MPP4: variants seen among roughly 807,000 people sequenced by gnomAD.
MPP4 encodes the protein MAGUK p55 scaffold protein 4.
A neutral mutation model predicts 98.3 loss-of-function variants in MPP4; 91 were observed. That is an observed-to-expected ratio of 0.93 (90% CI 0.78 to 1.10). The LOEUF (loss-of-function observed/expected upper bound fraction) is 1.10. MPP4 is among the 50% of genes least tolerant of loss of function. MPP4 has a pLI of 0.00. For synonymous variants in MPP4, 261 were observed against 271.8 expected, an observed-to-expected ratio of 0.96 and a Z score of 0.39; for missense variants, 744 against 792.9, an observed-to-expected ratio of 0.94 and a Z score of 0.74.
In MPP4 at chr2:201,693,028, G is replaced by T. The variant is rs970959372; in HGVS notation, c.81C>A (p.Gly27=). 1 of 1,611,536 alleles carries T rather than the reference G, an allele frequency of 6.2e-7. No homozygotes were observed. Among genetic ancestry groups the T allele is most frequent in the Non-Finnish European group, 8.5e-7 (1 of 1,178,934 alleles). ...KLSTATNPQN[G]LSQILRLVLQ... The stretch of plus-strand genomic sequence containing the variant: ...GCACAAGCCTCAGGATCTGGGAGAG[G>T]CCTAGGAAAGGAAGAGAGCAGAGAT... The change falls in exon 3 of 22, where the codon GGC becomes GGA. Residue 27 remains glycine (G), a splice_region_variant and synonymous_variant. Transcript: ENST00000409474.
At chr2:201,680,363 C>T (rs1688631127) in intron 10 of MPP4, 1 of 151,104 alleles carries the variant, frequency 6.6e-6, no homozygotes. Flanking sequence ...GCGAGGGCCA[C>T]TCCGTGACTC....
At chr2:201,676,789 A>T (rs1688519205) in intron 10 of MPP4, among the ~76,000 whole-genome samples, 1 of 152,064 alleles carries the variant, frequency 6.6e-6, no homozygotes, top group Admixed American at 6.6e-5. Context: ...AGTCCCAGCT[A>T]CTCTGGAGGC....
intron 14 of MPP4, chr2:201,661,514 T>C (rs1394457661): frequency 2.2e-6 from 1 of 456,414 alleles, no homozygotes; most frequent in African/African-American, 2.0e-5. Flanking sequence ...CTTTTCCAGC[T>C]GAGAGGAGTC....
intron 18 of MPP4, 38 bp from the exon 19 acceptor site, chr2:201,650,203 A>C (rs1478365190): frequency 2.0e-6 from 3 of 1,534,002 alleles, no homozygotes. Flanking sequence ...CAGTGTCTTC[A>C]GAATTCTTTG....
At chr2:201,648,961 G>A (rs1312144863) in intron 20 of MPP4, among the ~76,000 whole-genome samples, 3 of 152,134 alleles carry the variant, frequency 2.0e-5, no homozygotes, top group Admixed American at 6.5e-5. Flanking sequence ...CTACTCGGGA[G>A]GCTGAGGCAC....
At chr2:201,693,659 A>G (rs1022383858) in intron 2 of MPP4, among the ~76,000 whole-genome samples, 1 of 152,174 alleles carries the variant, frequency 6.6e-6, no homozygotes, top group African/African-American at 2.4e-5. Flanking sequence ...CAGGTAAGGG[A>G]AAAAAAGGTT....
At chr2:201,678,499 G>A (rs968312274) in intron 10 of MPP4, among the ~76,000 whole-genome samples, 1 of 152,108 alleles carries the variant, frequency 6.6e-6, no homozygotes, top group African/African-American at 2.4e-5. Context: ...CTTCAAGAGG[G>A]GGATGTTTCC....
At chr2:201,688,952 C>T (rs943605834) in intron 4 of MPP4, among the ~76,000 whole-genome samples, 3 of 152,106 alleles carry the variant, frequency 2.0e-5, no homozygotes, top group African/African-American at 7.2e-5. Flanking sequence ...GTCAATGTGG[C>T]TGGAACAGAG....
At chr2:201,675,398 G>T in intron 10 of MPP4, 127 bp from the exon 11 acceptor site, 1 of 901,824 alleles carries the variant, frequency 1.1e-6, no homozygotes, top group Non-Finnish European at 1.7e-6. Context: ...TCACTCAAGT[G>T]AAAAGGGTGA....
At position 201,675,410 on chromosome 2, in the gene MPP4, T is replaced by C. The variant is rs1033382356; in HGVS notation, c.930-139A>G. The C allele has an allele frequency of 3.7e-6, 3 of 808,320 alleles. No homozygotes were observed. In the African/African-American group the frequency reaches 5.2e-5, roughly 14 times the overall value. 50.1% of individuals were successfully genotyped at this position (808,320 alleles called of 1,614,324 possible). On this transcript the variant is annotated intron_variant, in intron 10 of 21. Coordinates refer to ENST00000409474, the MANE Select transcript of MPP4 (RefSeq NM_033066.3). ...CCTTCACTCAAGTGAAAAGGGTGAT[T>C]GCTTCTCCAAATACATTGTCAAATA... is the stretch of plus-strand genomic sequence containing the variant.
rs773608777 is a variant in MPP4 at position 201,681,559 on chromosome 2, A to C, written c.669T>G (p.Ser223=). Residue 223 remains serine (S), a synonymous_variant, in exon 9 of 22, where the codon TCT becomes TCG. Transcript: ENST00000409474. ...PEQVIHILAM[S]RGTIMFKVVP... is the part of the protein sequence containing the mutation. ...CCACCTTGAACATGATTGTGCCTCG[A>C]GACATGGCCTGGAAAATAAGAGAGG... 8 of 1,613,522 alleles carry C rather than the reference A, an allele frequency of 5.0e-6. No homozygotes were observed. The highest frequency in any genetic ancestry group is 6.8e-6 in the Non-Finnish European group (8 of 1,179,658).
At position 201,696,241 on chromosome 2, in the gene MPP4, A is replaced by G. The variant is rs59275226; in HGVS notation, c.-100-2187T>C. On this transcript the variant is annotated intron_variant, in intron 1 of 21. Coordinates refer to ENST00000409474, the MANE Select transcript of MPP4 (RefSeq NM_033066.3). ...TTGCCCTCCATCACCTACCTTGCCCACTTGTAATTGAGTCAGATTAAACAA... is the reference window on the plus strand; with the variant it reads ...TTGCCCTCCATCACCTACCTTGCCCGCTTGTAATTGAGTCAGATTAAACAA... Among the ~76,000 whole-genome samples, 8 of 152,286 alleles carry G rather than the reference A, an allele frequency of 5.3e-5. No individual in the cohort carries two copies. In the East Asian group the frequency reaches 1.5e-3, roughly 29 times the overall value.
intron 18 of MPP4, chr2:201,650,691 C>T (rs1336107950): frequency 1.0e-6 from 1 of 985,256 alleles, no homozygotes; most frequent in Non-Finnish European, 1.2e-6. Context: ...GTTCTGACTC[C>T]TCTAGATGAG....
At chr2:201,691,661 G>A (rs1377920468) in intron 3 of MPP4, among the ~76,000 whole-genome samples, 1 of 152,136 alleles carries the variant, frequency 6.6e-6, no homozygotes, top group Non-Finnish European at 1.5e-5. Context: ...GAGATTACAG[G>A]TGCGTGCCAC....
chr2:201,680,970 G>T lies in MPP4; in HGVS notation c.797C>A (p.Ala266Asp). ...GTCCCCCTTCTGGAAAGGCAATCCA[G>T]CGTCCATGCAGGGGATGTCGGGATC... ...QEDPDIPCMD[A>D]GLPFQKGDIL... The change falls in exon 10 of 22, where the codon GCT becomes GAT. Residue 266 changes from alanine (A) to aspartate (D), a missense_variant. Transcript: ENST00000409474. The T allele has an allele frequency of 6.2e-7, 1 of 1,613,960 alleles. No individual in the cohort carries two copies. The highest frequency in any genetic ancestry group is 8.5e-7 in the Non-Finnish European group (1 of 1,179,872).
chr2:201,670,470 G>A (rs1688311390), intron 11 of MPP4, among the ~76,000 whole-genome samples: 1 of 152,138 alleles, frequency 6.6e-6, no homozygotes, highest in Non-Finnish European at 1.5e-5. Flanking sequence ...GAGGCTCGTG[G>A]ACTTAGATAT....
At chr2:201,682,381 T>C (rs1420990454) in intron 8 of MPP4, among the ~76,000 whole-genome samples, 3 of 152,298 alleles carry the variant, frequency 2.0e-5, no homozygotes, top group African/African-American at 7.2e-5. Context: ...TGAGAACCAC[T>C]GGTCTATCCA....
chr2:201,661,659 A>G, intron 14 of MPP4: 1 of 454,520 alleles, frequency 2.2e-6, no homozygotes, highest in Non-Finnish European at 4.4e-6. Flanking sequence ...CCTGTGTACC[A>G]GGCACTGTTC....
At chr2:201,686,837 G>C (rs148589179) in intron 5 of MPP4, among the ~76,000 whole-genome samples, 2 of 152,188 alleles carry the variant, frequency 1.3e-5, no homozygotes, top group Non-Finnish European at 2.9e-5. Context: ...AGTACTAAGA[G>C]ATAGGTTTCT....
Sources: allele counts gnomAD v4.1 joint callset (sites outside exome capture counted in the v4.1 genomes callset), GRCh38; gene constraint gnomAD v4.1.1; transcripts MANE v1.5; gene names NCBI Gene and HGNC (gene_info 2026-07-23, HGNC 2026-07-21).